Variants in RRAGD observed in about 807,000 individuals in gnomAD.
The protein encoded by RRAGD is Ras related GTP binding D.
RRAGD carries 12 observed loss-of-function variants against 35.5 expected under a neutral mutation model. The ratio of observed to expected loss-of-function variants is 0.34; its 90% CI spans 0.22 to 0.55. RRAGD has a LOEUF of 0.55. RRAGD is among the 20% of genes least tolerant of loss of function. The pLI, the probability that RRAGD is intolerant of heterozygous loss-of-function variation, is 0.91. For synonymous variants in RRAGD, 155 were observed against 178.9 expected, an observed-to-expected ratio of 0.87 and a Z score of 1.07; for missense variants, 324 against 490.1, an observed-to-expected ratio of 0.66 and a Z score of 3.20.
rs1769722460 is a variant in RRAGD, at chr6:89,412,237, G to C, written c.-244C>G. ...CCGGCGGAGGAGTCAGCCGGAGCGC[G>C]GCAGTTCCTCCCGGAGGAGGGAGAG... On this transcript the variant is annotated 5_prime_UTR_variant, in exon 1 of 7. Coordinates refer to ENST00000369415, the MANE Select transcript of RRAGD (RefSeq NM_021244.5). The surrounding 1 kb of genome is among the most constrained non-coding windows in gnomAD (Gnocchi z 4.2). 1 of 268,232 alleles carries C rather than the reference G, an allele frequency of 3.7e-6. No homozygotes were observed. Among genetic ancestry groups the C allele is most frequent in the Non-Finnish European group, 6.8e-6 (1 of 147,830 alleles). 16.6% of individuals were successfully genotyped at this position (268,232 alleles called of 1,614,324 possible).
intron 6 of RRAGD, 151 bp from the exon 7 acceptor site, chr6:89,368,358 C>A: frequency 1.7e-6 from 1 of 594,226 alleles, no homozygotes; most frequent in Non-Finnish European, 2.7e-6. Context: ...CTGCAGCTGG[C>A]CTTCAGAAAT....
chr6:89,371,731 C>G (rs1011269200), intron 6 of RRAGD, among the ~76,000 whole-genome samples: 20 of 152,080 alleles, frequency 1.3e-4, no homozygotes, highest in Non-Finnish European at 2.6e-4. Context: ...ATTAGTAAAC[C>G]ATACCCTATT....
intron 1 of RRAGD, among the ~76,000 whole-genome samples, chr6:89,405,206 C>A (rs1228660257): frequency 6.6e-6 from 1 of 151,680 alleles, no homozygotes; most frequent in Admixed American, 6.6e-5. Flanking sequence ...ACAAAAAAAT[C>A]AGCCAGGTGT....
chr6:89,371,376 C>G (rs1768852237), intron 6 of RRAGD, among the ~76,000 whole-genome samples: 1 of 151,948 alleles, frequency 6.6e-6, no homozygotes, highest in African/African-American at 2.4e-5. Context: ...GTGGTCCTAG[C>G]TACATGGGAG....
intron 1 of RRAGD, among the ~76,000 whole-genome samples, chr6:89,405,192 A>G (rs1281198489): frequency 6.6e-6 from 1 of 151,868 alleles, no homozygotes; most frequent in African/African-American, 2.4e-5. Context: ...CTACTAAAAA[A>G]AATACAAAAA....
chr6:89,387,223 C>T, intron 2 of RRAGD, 72 bp downstream of exon 2: 2 of 1,493,838 alleles, frequency 1.3e-6, no homozygotes, highest in South Asian at 2.6e-5. Flanking sequence ...AGTTTAAAAA[C>T]CAAACCAAAA....
At position 89,377,116 on chromosome 6, in the gene RRAGD, G is replaced by A. The variant is rs150784028; in HGVS notation, c.902+555C>T. Among the ~76,000 whole-genome samples the A allele has an allele frequency of 1.7e-3, 255 of 152,232 alleles. 1 individual carries two copies. Among genetic ancestry groups the A allele is most frequent in the African/African-American group, 6.0e-3 (249 of 41,540 alleles). On this transcript the variant is annotated intron_variant, in intron 5 of 6. Coordinates refer to ENST00000369415, the MANE Select transcript of RRAGD (RefSeq NM_021244.5). ...CACTTTATTGTTAAGAATACAGTGC[G>A]TAATACATAACATACAAAATGTGTG... is the stretch of plus-strand genomic sequence containing the variant.
At chr6:89,398,092 C>T (rs1338059230) in intron 1 of RRAGD, among the ~76,000 whole-genome samples, 1 of 151,838 alleles carries the variant, frequency 6.6e-6, no homozygotes, top group Non-Finnish European at 1.5e-5. Flanking sequence ...AGTTAGTGAG[C>T]CAAGATTGCG....
intron 5 of RRAGD, among the ~76,000 whole-genome samples, chr6:89,375,475 G>A (rs1768920151): frequency 7.1e-6 from 1 of 140,574 alleles, no homozygotes; most frequent in African/African-American, 2.8e-5. Context: ...ATATGTGCGT[G>A]TGCATGTGTG....
intron 1 of RRAGD, among the ~76,000 whole-genome samples, chr6:89,397,206 A>C (rs918410182): frequency 6.6e-6 from 1 of 151,934 alleles, no homozygotes; most frequent in African/African-American, 2.4e-5. Context: ...CCACTAAGAC[A>C]GCTAAAATTA....
At chr6:89,405,156 C>T (rs1348314359) in intron 1 of RRAGD, among the ~76,000 whole-genome samples, 1 of 151,924 alleles carries the variant, frequency 6.6e-6, no homozygotes, top group Non-Finnish European at 1.5e-5. Context: ...CGAGATCATC[C>T]TGGCTAACAC....
intron 1 of RRAGD, among the ~76,000 whole-genome samples, chr6:89,410,496 C>CA (rs1769672497): frequency 6.6e-6 from 1 of 152,180 alleles, no homozygotes; most frequent in Non-Finnish European, 1.5e-5. Context: ...CCTTTATCTA[C>CA]AAAAATGTGG....
At chr6:89,383,681 T>C (rs1268339647) in intron 2 of RRAGD, among the ~76,000 whole-genome samples, 1 of 152,198 alleles carries the variant, frequency 6.6e-6, no homozygotes, top group Non-Finnish European at 1.5e-5. Flanking sequence ...GGAACCACTC[T>C]TGCTTTCATT....
At chr6:89,396,567 C>T (rs1054207850) in intron 1 of RRAGD, among the ~76,000 whole-genome samples, 2 of 151,436 alleles carry the variant, frequency 1.3e-5, no homozygotes, top group African/African-American at 4.9e-5. Context: ...GCTGGGACTA[C>T]AGGCGCGCCC....
chr6:89,376,359 T>A (rs1197497262), intron 5 of RRAGD, among the ~76,000 whole-genome samples: 2 of 150,488 alleles, frequency 1.3e-5, no homozygotes, highest in Admixed American at 6.7e-5. Context: ...ACAGAGAGAA[T>A]CCGAGCTGAG....
chr6:89,399,114 T>C (rs1356682511), intron 1 of RRAGD, among the ~76,000 whole-genome samples: 1 of 152,220 alleles, frequency 6.6e-6, no homozygotes, highest in Non-Finnish European at 1.5e-5. Flanking sequence ...TAGATTTTAA[T>C]GTTTCTCCAG....
At chr6:89,376,912 A>G (rs1479517865) in intron 5 of RRAGD, among the ~76,000 whole-genome samples, 2 of 152,212 alleles carry the variant, frequency 1.3e-5, no homozygotes. Context: ...GCCTAGGTCC[A>G]CTTATACATG....
chr6:89,387,693 T>C (rs1769160030), intron 1 of RRAGD, 103 bp from the exon 2 acceptor site: 2 of 1,131,614 alleles, frequency 1.8e-6, no homozygotes, highest in East Asian at 2.4e-5. Context: ...TCACAGATGA[T>C]GCCACTCTTC....
In RRAGD at chr6:89,368,055, C is replaced by T. The variant is rs750425982; in HGVS notation, c.*1G>A. Reference sequence around the variant, plus strand: ...TTCAAAAGACATTCCTGAAACCTCACCTACAGCAGCACTCTAGGGGTCCCA... The same window carrying T: ...TTCAAAAGACATTCCTGAAACCTCATCTACAGCAGCACTCTAGGGGTCCCA... On this transcript the variant is annotated 3_prime_UTR_variant, in exon 7 of 7. Transcript: ENST00000369415. 2 of 1,597,998 alleles carry T rather than the reference C, an allele frequency of 1.3e-6. No individual in the cohort carries two copies. Among genetic ancestry groups the T allele is most frequent in the East Asian group, 4.5e-5 (2 of 44,786 alleles).
Sources: gnomAD v4.1 joint callset for allele counts (sites outside exome capture counted in the v4.1 genomes callset) on GRCh38, gnomAD v4.1.1 for gene constraint, Gnocchi (gnomAD v3.1) non-coding constraint, MANE v1.5 for transcripts, NCBI Gene and HGNC (gene_info 2026-07-23, HGNC 2026-07-21) for gene names.